LARGE1: variants seen among roughly 807,000 people sequenced by gnomAD.
The protein encoded by LARGE1 is LARGE xylosyl- and glucuronyltransferase 1, also known as xylosyl- and glucuronyltransferase LARGE1.
Under a neutral mutation model 87.6 loss-of-function variants are expected in LARGE1, and 43 were observed. The observed-to-expected ratio is 0.49, with a 90% CI of 0.38 to 0.63. The LOEUF is 0.63. Among genes scored for constraint, LARGE1 ranks in the 30% least tolerant of loss-of-function variants. The pLI is 0.00. For synonymous variants in LARGE1, 434 were observed against 394.6 expected (o/e 1.10, Z -1.18); for missense variants, 802 against 1,000.2 (o/e 0.80, Z 2.67).
In LARGE1 at chr22:33,878,232, G is replaced by A. The variant is rs2064545669; in HGVS notation, c.-83+41763C>T. 4.0e-5 allele frequency among the ~76,000 whole-genome samples: 4 copies of A among 99,878 alleles called. 1 individual carries two copies. The South Asian group carries it at 1.2e-3, about 30-fold the overall frequency. The allele number at this position is 99,878 out of a possible 152,430, so 65.5% of individuals were successfully genotyped here. Reference sequence around the variant, plus strand: ...GGCTCACTTCAACCTCCACCTTCTGGTTTCAAGTGATTCTGCTTCAGTCTC... The same window carrying A: ...GGCTCACTTCAACCTCCACCTTCTGATTTCAAGTGATTCTGCTTCAGTCTC... On this transcript the variant is annotated intron_variant, in intron 1 of 14. Coordinates refer to ENST00000397394, the MANE Select transcript of LARGE1 (RefSeq NM_133642.5).
chr22:33,666,340 A>T (rs2081267374), intron 2 of LARGE1, among the ~76,000 whole-genome samples: 1 of 152,210 alleles, frequency 6.6e-6, no homozygotes, highest in Non-Finnish European at 1.5e-5. Flanking sequence ...AGGAAAGAAG[A>T]ATCAGAAAGA....
chr22:33,448,919 C>T (rs1337713034), intron 6 of LARGE1, among the ~76,000 whole-genome samples: 1 of 152,138 alleles, frequency 6.6e-6, no homozygotes, highest in Non-Finnish European at 1.5e-5. Flanking sequence ...CCCACACACC[C>T]GCTCCAGGCA....
intron 10 of LARGE1, among the ~76,000 whole-genome samples, chr22:33,319,722 G>C (rs1936532689): frequency 6.6e-6 from 1 of 152,060 alleles, no homozygotes; most frequent in African/African-American, 2.4e-5. Flanking sequence ...AGGCCACTGA[G>C]ATCTTACTGG....
At chr22:33,107,847 C>A in the LARGE1 span, among the ~76,000 whole-genome samples, 7 of 152,066 alleles carry the variant, frequency 4.6e-5, no homozygotes, top group African/African-American at 1.4e-4. Flanking sequence ...CACAGGAAGA[C>A]CCTGTCTCTA....
intron 2 of LARGE1, among the ~76,000 whole-genome samples, chr22:33,730,599 C>A (rs1025263867): frequency 6.6e-6 from 1 of 152,096 alleles, no homozygotes; most frequent in African/African-American, 2.4e-5. Context: ...TATTATACAA[C>A]ATATTAAAAA....
Position 33,432,262 on chromosome 22 carries a change from T to C in LARGE1, c.791A>G (p.Gln264Arg). The C allele has an allele frequency of 6.2e-7, 1 of 1,613,506 alleles. No homozygotes were observed. The highest frequency in any genetic ancestry group is 1.1e-5 in the South Asian group (1 of 91,062). ...LWAVFHKFKGQQVLGLVENQS... is the reference protein window; with the variant it reads ...LWAVFHKFKGRQVLGLVENQS... ...GTTCTCCACCAAGCCCAGGACTTGCTGACCTGTGAGGTACAGAGAATACAA... is the reference window on the plus strand; with the variant it reads ...GTTCTCCACCAAGCCCAGGACTTGCCGACCTGTGAGGTACAGAGAATACAA... Residue 264 changes from glutamine (Q) to arginine (R), a missense_variant, in exon 7 of 15, where the codon CAG (glutamine) becomes CGG (arginine). Physicochemically the swap from Gln to Arg is conservative, Grantham distance 43. This residue lies in a region of LARGE1 where 625 missense variants were observed against 841.9 expected (regional missense o/e 0.74). Transcript: ENST00000397394.
At chr22:33,271,942 C>T (rs940893960), downstream of LARGE1, among the ~76,000 whole-genome samples, 1 of 152,172 alleles carries the variant, frequency 6.6e-6, no homozygotes, top group African/African-American at 2.4e-5. Flanking sequence ...ATTCACTGTA[C>T]GTGAAGGTAC....
chr22:33,289,700 T>C (rs1303787076), intron 12 of LARGE1, among the ~76,000 whole-genome samples: 1 of 151,988 alleles, frequency 6.6e-6, no homozygotes, highest in Non-Finnish European at 1.5e-5. Flanking sequence ...GCCCTCTGAG[T>C]CCCTCTTTGT....
the LARGE1 span, among the ~76,000 whole-genome samples, chr22:33,081,957 T>C: frequency 6.6e-6 from 1 of 152,184 alleles, no homozygotes; most frequent in African/African-American, 2.4e-5. Flanking sequence ...AAATGGGTAA[T>C]AGACAAAGAA....
At chr22:33,379,499 C>G (rs531382835) in intron 9 of LARGE1, among the ~76,000 whole-genome samples, 2 of 152,172 alleles carry the variant, frequency 1.3e-5, no homozygotes, top group South Asian at 4.1e-4. Context: ...AAGACACATG[C>G]ACACCTATGT....
intron 13 of LARGE1, among the ~76,000 whole-genome samples, chr22:33,279,094 A>C (rs147728629): frequency 1.3e-5 from 2 of 152,198 alleles, no homozygotes; most frequent in African/African-American, 2.4e-5. Flanking sequence ...TGTGCACTAA[A>C]CTGAATGAAT....
chr22:33,568,600 C>T (rs1419904236), intron 5 of LARGE1, among the ~76,000 whole-genome samples: 1 of 151,862 alleles, frequency 6.6e-6, no homozygotes, highest in Admixed American at 6.6e-5. Context: ...AATGCCATCT[C>T]TACTAAAAAT....
chr22:33,502,656 C>T (rs1285187788), intron 6 of LARGE1, among the ~76,000 whole-genome samples: 1 of 152,000 alleles, frequency 6.6e-6, no homozygotes, highest in African/African-American at 2.4e-5. Context: ...GCAAGCTCCG[C>T]CTCCAGGGTC....
intron 6 of LARGE1, among the ~76,000 whole-genome samples, chr22:33,435,615 G>C (rs73407331): frequency 6.6e-6 from 1 of 152,106 alleles, no homozygotes; most frequent in East Asian, 1.9e-4. Context: ...TCCCCTGTAT[G>C]GAAAACTGCA....
chr22:33,782,901 A>AT (rs2085471001), intron 1 of LARGE1, among the ~76,000 whole-genome samples: 1 of 125,830 alleles, frequency 7.9e-6, no homozygotes. Flanking sequence ...AAAAAAAAAG[A>AT]GAGAGAGAGA....
intron 2 of LARGE1, among the ~76,000 whole-genome samples, chr22:33,712,344 G>C (rs1431184722): frequency 6.6e-6 from 1 of 152,168 alleles, no homozygotes; most frequent in Admixed American, 6.5e-5. Flanking sequence ...GCCCTGCACT[G>C]AGCATCTAAA....
intron 1 of LARGE1, among the ~76,000 whole-genome samples, chr22:33,844,079 CAAAA>C (rs34588361): frequency 3.3e-5 from 4 of 122,828 alleles, no homozygotes; most frequent in Non-Finnish European, 1.7e-5. Context: ...AACTCCGTCT[CAAAA>C]AAAAAAAAAA....
At chr22:33,103,430 C>G in the LARGE1 span, among the ~76,000 whole-genome samples, 1 of 31,636 alleles carries the variant, frequency 3.2e-5, no homozygotes, top group Non-Finnish European at 6.4e-5. Flanking sequence ...GAGACTCTGT[C>G]TCAAAAAAAA....
intron 7 of LARGE1, among the ~76,000 whole-genome samples, chr22:33,401,025 A>T (rs554195877): frequency 4.2e-4 from 64 of 152,216 alleles, no homozygotes; most frequent in African/African-American, 1.4e-3. Flanking sequence ...AAGCTTTGGC[A>T]ACAGCTTGGA....
Sources: allele counts gnomAD v4.1 joint callset (sites outside exome capture counted in the v4.1 genomes callset), GRCh38; gene constraint gnomAD v4.1.1; regional missense constraint gnomAD v4.1.1; transcripts MANE v1.5; gene names NCBI Gene and HGNC (gene_info 2026-07-23, HGNC 2026-07-21).